PRIMPOL: variants seen among roughly 807,000 people sequenced by gnomAD.
The protein encoded by PRIMPOL is DNA-directed primase/polymerase protein.
A neutral mutation model predicts 63.6 loss-of-function variants in PRIMPOL; 54 were observed. That is an observed-to-expected ratio of 0.85 (90% CI 0.68 to 1.07). The LOEUF (loss-of-function observed/expected upper bound fraction) is 1.07. PRIMPOL is among the 50% of genes least tolerant of loss of function. PRIMPOL has a pLI of 0.00. For missense variants in PRIMPOL, 610 were observed against 648.3 expected (o/e 0.94, Z 0.64); for synonymous variants, 197 against 220.2 (o/e 0.89, Z 0.93).
intron 7 of PRIMPOL, among the ~76,000 whole-genome samples, chr4:184,674,562 G>A (rs1199283719): frequency 1.3e-5 from 2 of 152,160 alleles, no homozygotes; most frequent in South Asian, 2.1e-4. Context: ...GGGCTTAGGG[G>A]AACCAACTTC....
In PRIMPOL at chr4:184,685,638, C is replaced by T. The variant is rs775404693; in HGVS notation, c.1249C>T (p.Arg417Trp). 82 of 1,610,710 alleles carry T rather than the reference C, an allele frequency of 5.1e-5. No individual in the cohort carries two copies. Among genetic ancestry groups the T allele is most frequent in the Middle Eastern group, 3.3e-4 (2 of 6,066 alleles). Residue 417 changes from arginine to tryptophan, a missense_variant, in exon 11 of 14, where the codon CGG becomes TGG. By Grantham distance (101) the Arg-to-Trp change is moderately radical. Transcript: ENST00000314970. ...ACTGGTTTATGATATTTGTAAATAT[C>T]GGTGGTGTGAAAACATTGGAAGAGC... ...ELLVYDICKY[R>W]WCENIGRAHK... is the part of the protein sequence containing the mutation.
intron 9 of PRIMPOL, among the ~76,000 whole-genome samples, chr4:184,684,982 C>T (rs1213326711): frequency 6.6e-6 from 1 of 151,984 alleles, no homozygotes; most frequent in African/African-American, 2.4e-5. Context: ...TATCTTTGTG[C>T]CTTGAGTCCT....
intron 1 of PRIMPOL, among the ~76,000 whole-genome samples, chr4:184,650,768 C>G (rs2150005524): frequency 6.6e-6 from 1 of 152,344 alleles, no homozygotes; most frequent in African/African-American, 2.4e-5. Context: ...AAGTCAGATT[C>G]AGGGACCCCA....
chr4:184,661,903 G>A lies in PRIMPOL; in HGVS notation c.408G>A (p.Glu136=). The change falls in exon 5 of 14, where the codon GAG becomes GAA. Residue 136 remains glutamate, a splice_region_variant and synonymous_variant. Transcript: ENST00000314970. ...AAAAGATGGTTGCATTACTCATTGA[G>A]GTAAATGGCCAACTCAAGTTTTTCT... is the stretch of plus-strand genomic sequence containing the variant. ...DGKKMVALLI[E]YVCKALQELY... The A allele has an allele frequency of 6.2e-7, 1 of 1,605,622 alleles. No individual in the cohort carries two copies. The highest frequency in any genetic ancestry group is 2.2e-5 in the East Asian group (1 of 44,632).
chr4:184,681,296 T>G (rs1273089149), intron 8 of PRIMPOL, among the ~76,000 whole-genome samples: 1 of 152,134 alleles, frequency 6.6e-6, no homozygotes, highest in African/African-American at 2.4e-5. Context: ...AACAAAAAAT[T>G]CAAAGGCTCT....
At chr4:184,663,822 A>G (rs1257988055) in intron 5 of PRIMPOL, among the ~76,000 whole-genome samples, 1 of 152,178 alleles carries the variant, frequency 6.6e-6, no homozygotes, top group East Asian at 1.9e-4. Flanking sequence ...AATTAATTTC[A>G]TTTATTGGTT....
intron 4 of PRIMPOL, 33 bp from the exon 5 acceptor site, chr4:184,661,741 A>G (rs1383656477): frequency 1.4e-6 from 2 of 1,399,442 alleles, no homozygotes; most frequent in South Asian, 1.2e-5. Flanking sequence ...GGTATAATAT[A>G]TCAATTTAAC....
chr4:184,657,429 C>A, intron 3 of PRIMPOL, 109 bp downstream of exon 3: 1 of 934,546 alleles, frequency 1.1e-6, no homozygotes, highest in Non-Finnish European at 1.5e-6. Context: ...TATTATTTGT[C>A]TTCATTTCAG....
At chr4:184,667,342 G>A (rs542124970) in intron 6 of PRIMPOL, among the ~76,000 whole-genome samples, 24 of 150,864 alleles carry the variant, frequency 1.6e-4, no homozygotes, top group African/African-American at 7.3e-5. Flanking sequence ...ACAGAGTCTC[G>A]CTCTGTCGCC....
intron 6 of PRIMPOL, among the ~76,000 whole-genome samples, chr4:184,670,206 T>C (rs1579422410): frequency 6.6e-6 from 1 of 152,184 alleles, no homozygotes; most frequent in Non-Finnish European, 1.5e-5. Flanking sequence ...GTCCTGGCCA[T>C]GGTCGCTCCA....
intron 7 of PRIMPOL, among the ~76,000 whole-genome samples, chr4:184,674,099 C>T (rs991576751): frequency 1.3e-5 from 2 of 152,168 alleles, no homozygotes; most frequent in South Asian, 2.1e-4. Context: ...ACTTCTACCC[C>T]AGCAGAACAC....
At chr4:184,688,132 G>C (rs1757478252) in intron 11 of PRIMPOL, among the ~76,000 whole-genome samples, 1 of 152,180 alleles carries the variant, frequency 6.6e-6, no homozygotes, top group Middle Eastern at 3.2e-3. Flanking sequence ...AACCGTGAAG[G>C]TGGGAACCGT....
At chr4:184,686,633 A>T (rs574630442) in intron 11 of PRIMPOL, among the ~76,000 whole-genome samples, 1 of 152,210 alleles carries the variant, frequency 6.6e-6, no homozygotes, top group Non-Finnish European at 1.5e-5. Flanking sequence ...CCCAGTAGTT[A>T]TCAGTTATGA....
intron 9 of PRIMPOL, among the ~76,000 whole-genome samples, chr4:184,683,448 CT>C (rs1756189884): frequency 6.6e-6 from 1 of 151,734 alleles, no homozygotes; most frequent in Non-Finnish European, 1.5e-5. Context: ...GTATTATTCA[CT>C]AATTTCACTA....
At chr4:184,684,620 T>C (rs981891136) in intron 9 of PRIMPOL, among the ~76,000 whole-genome samples, 2 of 152,008 alleles carry the variant, frequency 1.3e-5, no homozygotes, top group African/African-American at 4.8e-5. Context: ...AAAGCAATGG[T>C]GAGCACACAC....
chr4:184,676,377 T>TC (rs1222652940), intron 7 of PRIMPOL, among the ~76,000 whole-genome samples: 1 of 69,276 alleles, frequency 1.4e-5, no homozygotes. Flanking sequence ...TCCCTTCCCT[T>TC]CCCTTCCTTT....
At chr4:184,666,782 G>T (rs1750021054) in intron 6 of PRIMPOL, among the ~76,000 whole-genome samples, 1 of 152,206 alleles carries the variant, frequency 6.6e-6, no homozygotes, top group African/African-American at 2.4e-5. Context: ...CTTGTTTATT[G>T]TTCCAGGCAG....
intron 7 of PRIMPOL, among the ~76,000 whole-genome samples, chr4:184,675,849 A>T (rs1463079667): frequency 6.6e-6 from 1 of 152,088 alleles, no homozygotes; most frequent in Non-Finnish European, 1.5e-5. Flanking sequence ...AAAAAAACTC[A>T]CATATAAGTG....
chr4:184,694,615 G>T lies in PRIMPOL; in HGVS notation c.1519G>T (p.Ala507Ser), dbSNP rs770203895. ...KPSPSRLSTG[A>S]SADAVWDNGI... is the part of the protein sequence containing the mutation. ...ATCACCTAGCAGGCTGTCAACAGGT[G>T]CATCTGCTGATGCTGTCTGGGATAA... The change falls in exon 14 of 14, where the codon GCA becomes TCA. Residue 507 changes from alanine to serine, a missense_variant. Around this residue, in one of 3 missense-constraint regions of PRIMPOL, gnomAD observed 444 missense variants for 456.4 expected, o/e 0.97. Transcript: ENST00000314970. 19 of 1,614,038 alleles carry T rather than the reference G, an allele frequency of 1.2e-5. No homozygotes were observed. Among genetic ancestry groups the T allele is most frequent in the South Asian group, 4.4e-5 (4 of 91,086 alleles).
Sources: allele counts gnomAD v4.1 joint callset (sites outside exome capture counted in the v4.1 genomes callset), GRCh38; gene constraint gnomAD v4.1.1; regional missense constraint gnomAD v4.1.1; transcripts MANE v1.5; gene names NCBI Gene and HGNC (gene_info 2026-07-23, HGNC 2026-07-21).